Variants in ATP1A1 observed in about 807,000 individuals in gnomAD.
ATP1A1 encodes the protein ATPase Na+/K+ transporting subunit alpha 1.
Under a neutral mutation model 114.8 loss-of-function variants are expected in ATP1A1, and 14 were observed. That is an observed-to-expected ratio of 0.12 (90% confidence interval 0.08 to 0.19). The LOEUF (loss-of-function observed/expected upper bound fraction) is 0.19, where lower values mean the gene tolerates loss of function less well. Ranked by LOEUF, ATP1A1 falls within the 10% of genes least tolerant of loss-of-function variation. The pLI, the probability that ATP1A1 is intolerant of heterozygous loss-of-function variation, is 1.00. For missense variants in ATP1A1, 524 were observed against 1,290.7 expected (o/e 0.41, Z 9.10); for synonymous variants, 471 against 466.3 (o/e 1.01, Z -0.13).
rs974358825 is a variant in ATP1A1, at chr1:116,374,003, C to T, written c.12+480C>T. On this transcript the variant is annotated intron_variant, in intron 1 of 22. Coordinates refer to ENST00000295598, the MANE Select transcript of ATP1A1 (RefSeq NM_000701.8). ...GGAAAGGCGCGCTCCTCCCCTTCCC[C>T]TGGGGCGCTCCGCCGGGGCCTCCTC... The T allele has an allele frequency of 9.3e-5, 126 of 1,350,332 alleles. No individual in the cohort carries two copies. The East Asian group carries it at 3.3e-3, about 36-fold the overall frequency. 83.6% of individuals were successfully genotyped at this position (1,350,332 alleles called of 1,614,324 possible).
At position 116,373,584 on chromosome 1, in the gene ATP1A1, GT is replaced by G. The variant is rs1043065849; in HGVS notation, c.12+62del. ...GAGCCCTCGAGGGGAAGAGGAGGAA[GT>G]CGGGAGGGCGACCGCGGCCAGCGGG... On this transcript the variant is annotated intron_variant, in intron 1 of 22. Transcript: ENST00000295598. 1,619 of 1,368,222 alleles carry G rather than the reference GT, an allele frequency of 1.2e-3. 5 individuals are homozygous for G. Among genetic ancestry groups the G allele is most frequent in the Non-Finnish European group, 1.5e-3 (1,551 of 1,055,058 alleles). 84.8% of individuals were successfully genotyped at this position (1,368,222 alleles called of 1,614,324 possible).
At chr1:116,380,130 C>G (rs1334156370) in intron 1 of ATP1A1, among the ~76,000 whole-genome samples, 2 of 152,176 alleles carry the variant, frequency 1.3e-5, no homozygotes, top group African/African-American at 4.8e-5. Flanking sequence ...AATGCCTTCT[C>G]TAGGTTCTTT....
Position 116,383,937 on chromosome 1 carries a change from A to C in ATP1A1, c.13-77A>C, listed in dbSNP as rs1482075865. 4.0e-6 allele frequency: 5 copies of C among 1,259,080 alleles called. No individual in the cohort carries two copies. The East Asian group carries it at 1.2e-4, about 29-fold the overall frequency. The allele number at this position is 1,259,080 out of a possible 1,614,324, so 78.0% of individuals were successfully genotyped here. ...TTATGACTACCTTAAAAACTACCAA[A>C]ATCCCCTGCTCCAGAATTTTCAGTT... On this transcript the variant is annotated intron_variant, in intron 1 of 22. Coordinates refer to ENST00000295598, the MANE Select transcript of ATP1A1 (RefSeq NM_000701.8).
chr1:116,382,467 T>C (rs573204164), intron 1 of ATP1A1: 1 of 152,340 alleles, frequency 6.6e-6, no homozygotes, highest in East Asian at 1.9e-4. Context: ...ATGGAGAGAA[T>C]GTCAAGAATG....
chr1:116,403,954 A>G lies in ATP1A1; in HGVS notation c.3022A>G (p.Ile1008Val). 6.2e-7 allele frequency: 1 copy of G among 1,614,182 alleles called. No homozygotes were observed. Among genetic ancestry groups the G allele is most frequent in the Non-Finnish European group, 8.5e-7 (1 of 1,180,016 alleles). ...IFVYDEVRKL[I>V]IRRRPGGWVE... ...CGTATATGACGAAGTCAGAAAACTC[A>G]TCATCAGGCGACGCCCTGGCGGTAA... Residue 1008 changes from isoleucine to valine, a missense_variant, in exon 22 of 23, where the codon ATC becomes GTC. Ile to Val is a conservative substitution (Grantham distance 29). This residue lies in a region of ATP1A1 where 84 missense variants were observed against 209.3 expected (regional missense o/e 0.40). Coordinates refer to ENST00000295598, the MANE Select transcript of ATP1A1 (RefSeq NM_000701.8).
Position 116,388,411 on chromosome 1 carries a change from T to C in ATP1A1, c.501+167T>C, listed in dbSNP as rs1350217573. The C allele has an allele frequency of 1.1e-6, 1 of 949,900 alleles. No homozygotes were observed. Among genetic ancestry groups the C allele is most frequent in the Non-Finnish European group, 1.6e-6 (1 of 643,432 alleles). The allele number at this position is 949,900 out of a possible 1,614,324, so 58.8% of individuals were successfully genotyped here. A position where few individuals can be genotyped will look rare whatever the true frequency, so the allele number is the denominator to read the frequency against. On this transcript the variant is annotated intron_variant, in intron 5 of 22. Coordinates refer to ENST00000295598, the MANE Select transcript of ATP1A1 (RefSeq NM_000701.8). The surrounding 1 kb of genome is among the most constrained non-coding windows in gnomAD (Gnocchi z 5.6). ...ACCTATTTTCCTTCTATCCAAAAAG[T>C]GGTAGCCTTTCTTTTGAATGTAAAC...
At chr1:116,382,484 A>C (rs146077254) in intron 1 of ATP1A1, 1 of 152,280 alleles carries the variant, frequency 6.6e-6, no homozygotes, top group African/African-American at 2.4e-5. Flanking sequence ...AATGTTGACT[A>C]TCTTTAGACC....
rs1180610351 is a variant in ATP1A1 at position 116,398,548 on chromosome 1, G to A, written c.2125-73G>A. Reference sequence around the variant, plus strand: ...AGTGTCTGTAATGAGTGCTCAGTGGGGGCATGCATCGCACTATTTCCATCG... The same window carrying A: ...AGTGTCTGTAATGAGTGCTCAGTGGAGGCATGCATCGCACTATTTCCATCG... On this transcript the variant is annotated intron_variant, in intron 15 of 22. Coordinates refer to ENST00000295598, the MANE Select transcript of ATP1A1 (RefSeq NM_000701.8). This position sits in a 1 kb window ranked among gnomAD's most constrained non-coding sequence, Gnocchi z 6.1. 6.5e-7 allele frequency: 1 copy of A among 1,537,210 alleles called. No homozygotes were observed. Among genetic ancestry groups the A allele is most frequent in the Non-Finnish European group, 8.8e-7 (1 of 1,130,080 alleles).
intron 1 of ATP1A1, among the ~76,000 whole-genome samples, chr1:116,375,546 G>T (rs1031493322): frequency 6.6e-6 from 1 of 152,238 alleles, no homozygotes; most frequent in Non-Finnish European, 1.5e-5. Context: ...ATAGTGGCTA[G>T]CAAACACAAG....
chr1:116,398,796 G>A lies in ATP1A1; in HGVS notation c.2293+7G>A, dbSNP rs200810604. 5 of 1,613,678 alleles carry A rather than the reference G, an allele frequency of 3.1e-6. No individual in the cohort carries two copies. The South Asian group carries it at 3.3e-5, about 11-fold the overall frequency. On this transcript the variant is annotated splice_region_variant and intron_variant, in intron 16 of 22. Transcript: ENST00000295598. This position sits in a 1 kb window ranked among gnomAD's most constrained non-coding sequence, Gnocchi z 6.1. ...GTGACTGGAGTAGAGGAAGGTGAGA[G>A]CTATTTAAGGTGTACACCAAGATCT...
At chr1:116,400,609 G>A (rs1175947733) in intron 18 of ATP1A1, among the ~76,000 whole-genome samples, 1 of 152,232 alleles carries the variant, frequency 6.6e-6, no homozygotes, top group Non-Finnish European at 1.5e-5. Context: ...CAAGGCACAT[G>A]TGTCTTTGTG....
intron 10 of ATP1A1, among the ~76,000 whole-genome samples, chr1:116,391,819 C>T (rs948655154): frequency 6.6e-6 from 1 of 152,160 alleles, no homozygotes; most frequent in Non-Finnish European, 1.5e-5. Flanking sequence ...TCAGGTCCCA[C>T]AAGTATCAAA....
rs564693745 is a variant in ATP1A1, at chr1:116,381,099, G to C, written c.13-2915G>C. 6.6e-6 allele frequency among the ~76,000 whole-genome samples: 1 copy of C among 152,162 alleles called. No homozygotes were observed. Among genetic ancestry groups the C allele is most frequent in the African/African-American group, 2.4e-5 (1 of 41,428 alleles). Reference sequence around the variant, plus strand: ...TTAATCACTCCCAGTCCTCTGGGAGGGGGGAAGTGACCTGAACTTTCTAAT... The same window carrying C: ...TTAATCACTCCCAGTCCTCTGGGAGCGGGGAAGTGACCTGAACTTTCTAAT... On this transcript the variant is annotated intron_variant, in intron 1 of 22. Coordinates refer to ENST00000295598, the MANE Select transcript of ATP1A1 (RefSeq NM_000701.8). This position sits in a 1 kb window ranked among gnomAD's most constrained non-coding sequence, Gnocchi z 5.1.
chr1:116,380,477 T>C (rs1651670173), intron 1 of ATP1A1, among the ~76,000 whole-genome samples: 1 of 152,222 alleles, frequency 6.6e-6, no homozygotes, highest in Non-Finnish European at 1.5e-5. Flanking sequence ...GCGGTGGCTA[T>C]AGCTTATGCA....
Position 116,394,666 on chromosome 1 carries a change from G to T in ATP1A1, c.1661-444G>T, listed in dbSNP as rs140848115. Among the ~76,000 whole-genome samples the T allele has an allele frequency of 7.7e-4, 117 of 152,226 alleles. 1 individual carries two copies. The highest frequency in any genetic ancestry group is 2.6e-3 in the African/African-American group (108 of 41,532). ...GTAGCTAGCATGATGTCCCACATTG[G>T]TGCTCAGTAATATGTTTCAGTTAAA... On this transcript the variant is annotated intron_variant, in intron 12 of 22. Coordinates refer to ENST00000295598, the MANE Select transcript of ATP1A1 (RefSeq NM_000701.8).
chr1:116,390,550 T>TA (rs1652382606), intron 9 of ATP1A1, 139 bp downstream of exon 9: 1 of 960,032 alleles, frequency 1.0e-6, no homozygotes. Flanking sequence ...TTTTTTTTTT[T>TA]ATCATTTAGT....
Position 116,393,750 on chromosome 1 carries a change from G to T in ATP1A1, c.1660+27G>T. On this transcript the variant is annotated intron_variant, in intron 12 of 22. Coordinates refer to ENST00000295598, the MANE Select transcript of ATP1A1 (RefSeq NM_000701.8). This position sits in a 1 kb window ranked among gnomAD's most constrained non-coding sequence, Gnocchi z 5.0. ...TATGCAGATAACCTGGTAACAGAGT[G>T]CCTGGGCACGTTTTTATCCAGTAAC... 5 of 1,599,420 alleles carry T rather than the reference G, an allele frequency of 3.1e-6. No individual in the cohort carries two copies. The highest frequency in any genetic ancestry group is 1.1e-5 in the South Asian group (1 of 89,650).
chr1:116,373,885 G>A, intron 1 of ATP1A1: 1 of 1,294,678 alleles, frequency 7.7e-7, no homozygotes, highest in Non-Finnish European at 9.8e-7. Flanking sequence ...GGGCGGCCCC[G>A]GGACTGAGCC....
chr1:116,388,102 C>T lies in ATP1A1; in HGVS notation c.388-29C>T, dbSNP rs746833613. The T allele has an allele frequency of 2.4e-5, 34 of 1,445,290 alleles. No homozygotes were observed. Among genetic ancestry groups the T allele is most frequent in the South Asian group, 7.1e-5 (6 of 83,924 alleles). 89.5% of individuals were successfully genotyped at this position (1,445,290 alleles called of 1,614,324 possible). A position where few individuals can be genotyped will look rare whatever the true frequency, so the allele number is the denominator to read the frequency against. ...TGTCCCTAATTATTGTGTAGAGCCA[C>T]GGGCCCTAACTTGTCTTTTCCCTTC... is the stretch of plus-strand genomic sequence containing the variant. On this transcript the variant is annotated intron_variant, in intron 4 of 22. Transcript: ENST00000295598. The surrounding 1 kb of genome is among the most constrained non-coding windows in gnomAD (Gnocchi z 5.6).
Sources: gnomAD v4.1 joint callset for allele counts (sites outside exome capture counted in the v4.1 genomes callset) on GRCh38, gnomAD v4.1.1 for gene constraint, gnomAD v4.1.1 regional missense constraint, Gnocchi (gnomAD v3.1) non-coding constraint, MANE v1.5 for transcripts, NCBI Gene and HGNC (gene_info 2026-07-23, HGNC 2026-07-21) for gene names.